The following ROBO1 variants were observed in gnomAD, a reference collection of about 807,000 sequenced individuals.
The protein encoded by ROBO1 is roundabout homolog 1.
Under a neutral mutation model 195.9 loss-of-function variants are expected in ROBO1, and 149 were observed. That is an observed-to-expected ratio of 0.76 (90% confidence interval 0.67 to 0.87). ROBO1 has a LOEUF of 0.87. ROBO1 is among the 40% of genes least tolerant of loss of function. The pLI, the probability that ROBO1 is intolerant of heterozygous loss-of-function variation, is 0.00. For missense variants in ROBO1, 1,933 were observed against 2,068.3 expected, an observed-to-expected ratio of 0.93 and a Z score of 1.27; for synonymous variants, 816 against 733.2, an observed-to-expected ratio of 1.11 and a Z score of -1.82.
intron 2 of ROBO1, among the ~76,000 whole-genome samples, chr3:79,566,165 A>G (rs567160631): frequency 3.9e-5 from 6 of 152,242 alleles, no homozygotes; most frequent in East Asian, 1.9e-4. Context: ...GGCTAGACCA[A>G]AAAGAAAAGT....
intron 1 of ROBO1, among the ~76,000 whole-genome samples, chr3:79,732,917 C>G (rs1703214466): frequency 6.6e-6 from 1 of 152,148 alleles, no homozygotes; most frequent in Non-Finnish European, 1.5e-5. Context: ...CAATCCCTTT[C>G]TCTTTTCCAT....
intron 14 of ROBO1, among the ~76,000 whole-genome samples, chr3:78,666,274 G>C (rs1848248): frequency 1 from 152,311 of 152,340 alleles, 76,141 homozygotes; most frequent in Middle Eastern, 1. Flanking sequence ...AGCGTGAGAA[G>C]AGACTAATAC....
intron 2 of ROBO1, among the ~76,000 whole-genome samples, chr3:79,524,709 T>G (rs891880031): frequency 4.6e-5 from 7 of 152,086 alleles, no homozygotes; most frequent in African/African-American, 1.7e-4. Context: ...TGTTTGTATC[T>G]CCCATGCCAG....
chr3:78,711,361 TCCTTCCTTCCTTCCTTCCTTC>T (rs2081707665), intron 8 of ROBO1, among the ~76,000 whole-genome samples: 6 of 40,290 alleles, frequency 1.5e-4, no homozygotes, highest in African/African-American at 5.9e-4. Context: ...CTTCCTTCCT[TCCTTCCTTCCTTCCTTCCTTC>T]CTTCCTTCCT....
At chr3:78,861,828 TA>T (rs1325132867) in intron 4 of ROBO1, among the ~76,000 whole-genome samples, 4 of 152,292 alleles carry the variant, frequency 2.6e-5, no homozygotes, top group African/African-American at 7.2e-5. Context: ...AAATAGACTG[TA>T]AGTTTCTTAA....
rs931681894 is a variant in ROBO1, at chr3:79,068,494, A to G, written c.172+56962T>C. Among the ~76,000 whole-genome samples the G allele has an allele frequency of 4.6e-5, 7 of 151,740 alleles. 1 individual carries two copies. The highest frequency in any genetic ancestry group is 3.9e-4 in the Admixed American group (6 of 15,192). ...TGTTTCTTATATACTTTATTATTTC[A>G]CTATACCTTTACTTTCTCTCTTCCT... On this transcript the variant is annotated intron_variant, in intron 3 of 30. Transcript: ENST00000464233.
At chr3:79,409,349 C>T (rs2037677571) in intron 2 of ROBO1, among the ~76,000 whole-genome samples, 1 of 152,022 alleles carries the variant, frequency 6.6e-6, no homozygotes, top group Non-Finnish European at 1.5e-5. Context: ...AAAGCTGTAA[C>T]TTGATATTTT....
chr3:79,223,841 C>A (rs184551006), intron 2 of ROBO1, among the ~76,000 whole-genome samples: 1 of 152,146 alleles, frequency 6.6e-6, no homozygotes. Context: ...GTAGATGACT[C>A]TAAAACAATA....
At chr3:78,862,918 T>C (rs2034938791) in intron 4 of ROBO1, among the ~76,000 whole-genome samples, 1 of 152,150 alleles carries the variant, frequency 6.6e-6, no homozygotes, top group Non-Finnish European at 1.5e-5. Flanking sequence ...AGTTGAGAAA[T>C]AGCAGCTTAG....
At chr3:78,986,874 T>C (rs945992750) in intron 3 of ROBO1, among the ~76,000 whole-genome samples, 5 of 152,196 alleles carry the variant, frequency 3.3e-5, no homozygotes, top group African/African-American at 9.7e-5. Context: ...TGATGAGTAG[T>C]GGTTTTGTGA....
intron 1 of ROBO1, among the ~76,000 whole-genome samples, chr3:79,666,618 T>C (rs1008506613): frequency 2.6e-5 from 4 of 151,888 alleles, no homozygotes; most frequent in Non-Finnish European, 5.9e-5. Flanking sequence ...CCACTTTCAC[T>C]TGACTCTCAT....
chr3:78,616,035 A>T (rs562785873), intron 27 of ROBO1, among the ~76,000 whole-genome samples: 1 of 152,306 alleles, frequency 6.6e-6, no homozygotes, highest in South Asian at 2.1e-4. Context: ...ATTACAATTA[A>T]AGTTACATAT....
intron 1 of ROBO1, among the ~76,000 whole-genome samples, chr3:79,688,970 T>C (rs1448253610): frequency 6.6e-6 from 1 of 152,100 alleles, no homozygotes; most frequent in Non-Finnish European, 1.5e-5. Flanking sequence ...TTTTGTGATG[T>C]CTTCTCTGTT....
intron 4 of ROBO1, among the ~76,000 whole-genome samples, chr3:78,924,981 T>A (rs2039131533): frequency 6.6e-6 from 1 of 152,030 alleles, no homozygotes; most frequent in South Asian, 2.1e-4. Flanking sequence ...ATTATTTTTT[T>A]AATTTAATAT....
intron 3 of ROBO1, among the ~76,000 whole-genome samples, chr3:78,982,125 C>T (rs1027591761): frequency 2.0e-5 from 3 of 152,174 alleles, no homozygotes; most frequent in Admixed American, 1.3e-4. Flanking sequence ...CATCACCTCC[C>T]GCAAGAGCTC....
At chr3:79,548,646 CAA>C (rs974967016) in intron 2 of ROBO1, among the ~76,000 whole-genome samples, 4 of 152,220 alleles carry the variant, frequency 2.6e-5, no homozygotes, top group African/African-American at 9.6e-5. Flanking sequence ...GCAATAGGTT[CAA>C]GTTTTATTTG....
chr3:79,526,126 T>C (rs1343104247), intron 2 of ROBO1, among the ~76,000 whole-genome samples: 2 of 152,198 alleles, frequency 1.3e-5, no homozygotes, highest in East Asian at 3.9e-4. Flanking sequence ...TCTTATCTTC[T>C]CATAGGAAGA....
chr3:79,317,946 A>C (rs747881437), intron 2 of ROBO1, among the ~76,000 whole-genome samples: 6 of 152,222 alleles, frequency 3.9e-5, no homozygotes, highest in Non-Finnish European at 8.8e-5. Flanking sequence ...ATTTATTATA[A>C]GAAATTGGCT....
intron 1 of ROBO1, among the ~76,000 whole-genome samples, chr3:79,727,986 A>T (rs1409840469): frequency 6.6e-6 from 1 of 152,200 alleles, no homozygotes; most frequent in South Asian, 2.1e-4. Context: ...TCATTTCTAG[A>T]TTAATGTTCT....
Sources: allele counts gnomAD v4.1 joint callset (sites outside exome capture counted in the v4.1 genomes callset), GRCh38; gene constraint gnomAD v4.1.1; transcripts MANE v1.5; gene names NCBI Gene and HGNC (gene_info 2026-07-23, HGNC 2026-07-21).